The following RPL37 variants were observed in gnomAD, a reference collection of about 807,000 sequenced individuals.
RPL37 encodes ribosomal protein L37, also known as large ribosomal subunit protein eL37.
RPL37 carries 1 observed loss-of-function variant against 14.8 expected under a neutral mutation model. The observed-to-expected ratio is 0.07, with a 90% CI of 0.02 to 0.32. The LOEUF (loss-of-function observed/expected upper bound fraction) is 0.32, where lower values mean the gene tolerates loss of function less well. RPL37 is among the 10% of genes least tolerant of loss of function. The pLI is 1.00. For synonymous variants in RPL37, 53 were observed against 45.8 expected (o/e 1.16, Z -0.63); for missense variants, 100 against 128.3 (o/e 0.78, Z 1.06).
Position 40,831,609 on chromosome 5 carries a change from C to T in RPL37, c.*895G>A, listed in dbSNP as rs1335071276. ...TAGCTGTTCCAGCAATTCATGTTCCCTTCAACTGCCCCTGCCCTCTCACTC... is the reference window on the plus strand; with the variant it reads ...TAGCTGTTCCAGCAATTCATGTTCCTTTCAACTGCCCCTGCCCTCTCACTC... On this transcript the variant is annotated 3_prime_UTR_variant, in exon 4 of 4. Coordinates refer to ENST00000274242, the MANE Select transcript of RPL37 (RefSeq NM_000997.5). 6.6e-6 allele frequency: 1 copy of T among 152,290 alleles called. No homozygotes were observed. The highest frequency in any genetic ancestry group is 1.5e-5 in the Non-Finnish European group (1 of 68,022). 9.4% of individuals were successfully genotyped at this position (152,290 alleles called of 1,614,324 possible).
chr5:40,834,215 T>C lies in RPL37; in HGVS notation c.190A>G (p.Met64Val). 6.2e-7 allele frequency: 1 copy of C among 1,614,188 alleles called. No individual in the cohort carries two copies. Among genetic ancestry groups the C allele is most frequent in the Non-Finnish European group, 8.5e-7 (1 of 1,179,996 alleles). ...CGGTATACAATTTTTAGGTGCCTCA[T>C]TCGACCAGTTCCGGTGGTATTTCGT... ...KRRNTTGTGR[M>V]RHLKIVYRRF... Residue 64 changes from methionine to valine, a missense_variant, in exon 3 of 4, where the codon ATG becomes GTG. Physicochemically the swap from Met to Val is conservative, Grantham distance 21. This residue lies in a region of RPL37 where 74 missense variants were observed against 69.9 expected (regional missense o/e 1.06). Transcript: ENST00000274242.
intron 3 of RPL37, among the ~76,000 whole-genome samples, chr5:40,833,193 T>G (rs1745679876): frequency 6.6e-6 from 1 of 152,192 alleles, no homozygotes; most frequent in Non-Finnish European, 1.5e-5. Context: ...TATGGGTGTC[T>G]ACAAAGCCCT....
rs1440305826 is a variant in RPL37 at position 40,831,364 on chromosome 5, T to C, written c.*1140A>G. The C allele has an allele frequency of 6.6e-6, 1 of 152,358 alleles. No individual in the cohort carries two copies. The highest frequency in any genetic ancestry group is 1.5e-5 in the Non-Finnish European group (1 of 68,052). The allele number at this position is 152,358 out of a possible 1,614,324, so 9.4% of individuals were successfully genotyped here. ...CAAGAGAGATTTAATCAGCAGGGTTTCTTTATAAGTGAATGTTCTGAAGCT... is the reference window on the plus strand; with the variant it reads ...CAAGAGAGATTTAATCAGCAGGGTTCCTTTATAAGTGAATGTTCTGAAGCT... On this transcript the variant is annotated 3_prime_UTR_variant, in exon 4 of 4. Transcript: ENST00000274242.
rs766005572 is a variant in RPL37 at position 40,835,214 on chromosome 5, C to T, written c.-29G>A. ...GCTTCTGCGGCCGAGACCAGAAAGA[C>T]CGGAAGAGAAGGCACTTCCGCTATA... is the stretch of plus-strand genomic sequence containing the variant. On this transcript the variant is annotated 5_prime_UTR_variant, in exon 1 of 4. Transcript: ENST00000274242. 1.9e-6 allele frequency: 3 copies of T among 1,613,898 alleles called. No homozygotes were observed. The highest frequency in any genetic ancestry group is 1.7e-6 in the Non-Finnish European group (2 of 1,179,942).
rs201993481 is a variant in RPL37, at chr5:40,834,624, A to T, written c.4-18T>A. 6.3e-7 allele frequency: 1 copy of T among 1,590,616 alleles called. No individual in the cohort carries two copies. The highest frequency in any genetic ancestry group is 8.5e-7 in the Non-Finnish European group (1 of 1,171,560). On this transcript the variant is annotated intron_variant, in intron 1 of 3. Transcript: ENST00000274242. ...CCCTTCGTCTGCACATTAAAGGAAT[A>T]AATAGTTCTGAAACCTGGCAACTTC...
rs1458907282 is a variant in RPL37 at position 40,826,836 on chromosome 5, G to A, written c.*5668C>T. 6.6e-6 allele frequency: 1 copy of A among 152,340 alleles called. No individual in the cohort carries two copies. Among genetic ancestry groups the A allele is most frequent in the African/African-American group, 2.4e-5 (1 of 41,450 alleles). 9.4% of individuals were successfully genotyped at this position (152,340 alleles called of 1,614,324 possible). Reference sequence around the variant, plus strand: ...TTTGTCATCCAGGCTGGAGTGCAGTGGCACAATCAAGGTTCACTGCAGCCT... The same window carrying A: ...TTTGTCATCCAGGCTGGAGTGCAGTAGCACAATCAAGGTTCACTGCAGCCT... On this transcript the variant is annotated 3_prime_UTR_variant, in exon 4 of 4. Coordinates refer to ENST00000274242, the MANE Select transcript of RPL37 (RefSeq NM_000997.5).
At position 40,832,417 on chromosome 5, in the gene RPL37, G is replaced by A; in HGVS notation, c.*87C>T. 3 of 1,107,870 alleles carry A rather than the reference G, an allele frequency of 2.7e-6. No individual in the cohort carries two copies. The South Asian group carries it at 3.7e-5, about 14-fold the overall frequency. The allele number at this position is 1,107,870 out of a possible 1,614,324, so 68.6% of individuals were successfully genotyped here. A position where few individuals can be genotyped will look rare whatever the true frequency, so the allele number is the denominator to read the frequency against. ...CTACAGTATTTCACTGATACTACAA[G>A]CCTAATTGATTAAAAATACCTTACC... is the stretch of plus-strand genomic sequence containing the variant. On this transcript the variant is annotated 3_prime_UTR_variant, in exon 4 of 4. Coordinates refer to ENST00000274242, the MANE Select transcript of RPL37 (RefSeq NM_000997.5).
rs974602039 is a variant in RPL37, at chr5:40,829,054, T to A, written c.*3450A>T. ...GTTCATCGATGAACTCAAGCCCTCT[T>A]GCTTACTCTGACTTCTACATGCCTA... is the stretch of plus-strand genomic sequence containing the variant. On this transcript the variant is annotated 3_prime_UTR_variant, in exon 4 of 4. Coordinates refer to ENST00000274242, the MANE Select transcript of RPL37 (RefSeq NM_000997.5). 1.3e-5 allele frequency: 2 copies of A among 152,210 alleles called. No homozygotes were observed. Among genetic ancestry groups the A allele is most frequent in the African/African-American group, 4.8e-5 (2 of 41,452 alleles). The allele number at this position is 152,210 out of a possible 1,614,324, so 9.4% of individuals were successfully genotyped here. A position where few individuals can be genotyped will look rare whatever the true frequency, so the allele number is the denominator to read the frequency against.
chr5:40,834,172 A>C lies in RPL37; in HGVS notation c.224+9T>G. ...CTGGACCAATTATGATCGAACATAC[A>C]AACTGTACCTGAATCTGCGGTATAC... On this transcript the variant is annotated intron_variant, in intron 3 of 3. Coordinates refer to ENST00000274242, the MANE Select transcript of RPL37 (RefSeq NM_000997.5). 1 of 1,604,168 alleles carries C rather than the reference A, an allele frequency of 6.2e-7. No homozygotes were observed. The highest frequency in any genetic ancestry group is 8.5e-7 in the Non-Finnish European group (1 of 1,170,928).
rs1272958023 is a variant in RPL37, at chr5:40,832,528, A to T, written c.270T>A (p.Ala90=). The part of the protein sequence containing the change: ...EGTTPKPKRA[A]VAASSSS ...CTTAAGATGAACTGGATGCTGCAAC[A>T]GCTGCCCTCTTGGGTTTAGGTGTTG... The change falls in exon 4 of 4, where the codon GCT becomes GCA. Residue 90 remains alanine (A), a synonymous_variant. Transcript: ENST00000274242. 1 of 1,613,956 alleles carries T rather than the reference A, an allele frequency of 6.2e-7. No homozygotes were observed. The highest frequency in any genetic ancestry group is 8.5e-7 in the Non-Finnish European group (1 of 1,179,928).
Position 40,829,244 on chromosome 5 carries a change from T to C in RPL37, c.*3260A>G, listed in dbSNP as rs1745585516. On this transcript the variant is annotated 3_prime_UTR_variant, in exon 4 of 4. Transcript: ENST00000274242. ...CTGTCATGATTTTCACATGAACTAT[T>C]TAAGAACCTGTTACCTAGTTTCCAG... 2 of 152,230 alleles carry C rather than the reference T, an allele frequency of 1.3e-5. No individual in the cohort carries two copies. Among genetic ancestry groups the C allele is most frequent in the Admixed American group, 1.3e-4 (2 of 15,272 alleles). 9.4% of individuals were successfully genotyped at this position (152,230 alleles called of 1,614,324 possible). A position where few individuals can be genotyped will look rare whatever the true frequency, so the allele number is the denominator to read the frequency against.
chr5:40,827,060 T>C lies in RPL37; in HGVS notation c.*5444A>G, dbSNP rs778530166. On this transcript the variant is annotated 3_prime_UTR_variant, in exon 4 of 4. Transcript: ENST00000274242. ...TCCCAAAGTGCTGGGATGACAAGCA[T>C]GAACCTCCGAACCTGGCAGAGTATT... is the stretch of plus-strand genomic sequence containing the variant. The C allele has an allele frequency of 6.6e-6, 1 of 152,408 alleles. No individual in the cohort carries two copies. Among genetic ancestry groups the C allele is most frequent in the East Asian group, 1.9e-4 (1 of 5,188 alleles). 9.4% of individuals were successfully genotyped at this position (152,408 alleles called of 1,614,324 possible). A position where few individuals can be genotyped will look rare whatever the true frequency, so the allele number is the denominator to read the frequency against.
Position 40,829,846 on chromosome 5 carries a change from T to C in RPL37, c.*2658A>G, listed in dbSNP as rs1279549659. On this transcript the variant is annotated 3_prime_UTR_variant, in exon 4 of 4. Transcript: ENST00000274242. ...CACCACCACGCCCGGCTAATATTTT[T>C]GTATTTTTAGTAGAGACGGGGTTTC... is the stretch of plus-strand genomic sequence containing the variant. 1 of 152,110 alleles carries C rather than the reference T, an allele frequency of 6.6e-6. No homozygotes were observed. The highest frequency in any genetic ancestry group is 2.4e-5 in the African/African-American group (1 of 41,414). The allele number at this position is 152,110 out of a possible 1,614,324, so 9.4% of individuals were successfully genotyped here. A position where few individuals can be genotyped will look rare whatever the true frequency, so the allele number is the denominator to read the frequency against.
chr5:40,834,684 T>C (rs1745724684), intron 1 of RPL37, 78 bp from the exon 2 acceptor site: 7 of 1,472,514 alleles, frequency 4.8e-6, no homozygotes, highest in Non-Finnish European at 6.4e-6. Context: ...AACCAATTAC[T>C]GATAAAATTT....
At position 40,829,913 on chromosome 5, in the gene RPL37, G is replaced by C. The variant is rs921448105; in HGVS notation, c.*2591C>G. 1.3e-5 allele frequency: 2 copies of C among 152,070 alleles called. No individual in the cohort carries two copies. The highest frequency in any genetic ancestry group is 4.8e-5 in the African/African-American group (2 of 41,384). The allele number at this position is 152,070 out of a possible 1,614,324, so 9.4% of individuals were successfully genotyped here. A position where few individuals can be genotyped will look rare whatever the true frequency, so the allele number is the denominator to read the frequency against. On this transcript the variant is annotated 3_prime_UTR_variant, in exon 4 of 4. Transcript: ENST00000274242. ...TGGTCTCGAACTCCCCACCTCACGT[G>C]AACTGCCCACCTTGGCCTCCCAAAG...
At position 40,834,531 on chromosome 5, in the gene RPL37, A is replaced by G; in HGVS notation, c.79T>C (p.Tyr27His). The change falls in exon 2 of 4, where the codon TAC becomes CAC. Residue 27 changes from tyrosine (Y) to histidine (H), a missense_variant. This residue lies in a region of RPL37 where 26 missense variants were observed against 58.3 expected (regional missense o/e 0.45). Coordinates refer to ENST00000274242, the MANE Select transcript of RPL37 (RefSeq NM_000997.5). ...CCACAGGTCGACTTCTGAAGGTGGT[A>G]GGCCTTAGAGCCACAGCGGCGGCAC... is the stretch of plus-strand genomic sequence containing the variant. The part of the protein sequence containing the change: ...TLCRRCGSKA[Y>H]HLQKSTCGKC... 6.2e-7 allele frequency: 1 copy of G among 1,614,158 alleles called. No homozygotes were observed. The highest frequency in any genetic ancestry group is 1.1e-5 in the South Asian group (1 of 91,066).
intron 3 of RPL37, chr5:40,833,822 G>C (rs1745694838): frequency 5.2e-6 from 1 of 191,128 alleles, no homozygotes; most frequent in South Asian, 9.8e-5. Context: ...TTCAACATCT[G>C]GCCTGAGCCC....
At position 40,827,412 on chromosome 5, in the gene RPL37, T is replaced by C. The variant is rs1234804879; in HGVS notation, c.*5092A>G. ...CCAAGCTATAATTAAGATTACCTTC[T>C]GACGATTACATAGGACTGCACGTTT... On this transcript the variant is annotated 3_prime_UTR_variant, in exon 4 of 4. Transcript: ENST00000274242. The C allele has an allele frequency of 1.3e-5, 2 of 152,230 alleles. No individual in the cohort carries two copies. The highest frequency in any genetic ancestry group is 2.9e-5 in the Non-Finnish European group (2 of 68,038). 9.4% of individuals were successfully genotyped at this position (152,230 alleles called of 1,614,324 possible). A position where few individuals can be genotyped will look rare whatever the true frequency, so the allele number is the denominator to read the frequency against.
Position 40,826,132 on chromosome 5 carries a change from A to G in RPL37, c.*6372T>C, listed in dbSNP as rs968890256. On this transcript the variant is annotated 3_prime_UTR_variant, in exon 4 of 4. Coordinates refer to ENST00000274242, the MANE Select transcript of RPL37 (RefSeq NM_000997.5). ...CAAATAACTTACTAATTTTATTCAT[A>G]TAACACTCCTCAGGAGTTCAAATAA... The G allele has an allele frequency of 4.6e-5, 7 of 152,240 alleles. No homozygotes were observed. The highest frequency in any genetic ancestry group is 3.9e-4 in the Admixed American group (6 of 15,274). The allele number at this position is 152,240 out of a possible 1,614,324, so 9.4% of individuals were successfully genotyped here. A position where few individuals can be genotyped will look rare whatever the true frequency, so the allele number is the denominator to read the frequency against.
Sources: gnomAD v4.1 joint callset for allele counts (sites outside exome capture counted in the v4.1 genomes callset) on GRCh38, gnomAD v4.1.1 for gene constraint, gnomAD v4.1.1 regional missense constraint, MANE v1.5 for transcripts, NCBI Gene and HGNC (gene_info 2026-07-23, HGNC 2026-07-21) for gene names.